ERAP2: variants seen among roughly 807,000 people sequenced by gnomAD.
ERAP2 encodes leukocyte-derived arginine aminopeptidase.
A neutral mutation model predicts 111.1 loss-of-function variants in ERAP2; 118 were observed. The observed-to-expected ratio is 1.06, with a 90% CI of 0.92 to 1.24. The LOEUF (loss-of-function observed/expected upper bound fraction) is 1.24. Among genes scored for constraint, ERAP2 ranks in the 50% most tolerant of loss-of-function variants. The pLI, the probability that ERAP2 is intolerant of heterozygous loss-of-function variation, is 0.00. For missense variants in ERAP2, 1,131 were observed against 1,125.8 expected, an observed-to-expected ratio of 1.00 and a Z score of -0.07; for synonymous variants, 410 against 401.2, an observed-to-expected ratio of 1.02 and a Z score of -0.26.
At chr5:96,912,045 C>T (rs1404658701) in intron 15 of ERAP2, among the ~76,000 whole-genome samples, 3 of 150,872 alleles carry the variant, frequency 2.0e-5, no homozygotes, top group Non-Finnish European at 4.4e-5. Context: ...AAAAAATTAG[C>T]CGGGCGCGGT....
At chr5:96,900,763 A>C (rs1208218229) in intron 10 of ERAP2, among the ~76,000 whole-genome samples, 1 of 152,032 alleles carries the variant, frequency 6.6e-6, no homozygotes, top group African/African-American at 2.4e-5. Context: ...TGCAACCTCC[A>C]CCTCTCTGGT....
chr5:96,877,865 T>A (rs1254412366), intron 1 of ERAP2, among the ~76,000 whole-genome samples: 1 of 141,018 alleles, frequency 7.1e-6, no homozygotes, highest in Non-Finnish European at 1.6e-5. Flanking sequence ...ATCTTTAATA[T>A]TATTTTATTT....
intron 9 of ERAP2, among the ~76,000 whole-genome samples, chr5:96,899,201 T>C (rs1431190256): frequency 2.0e-5 from 3 of 149,912 alleles, no homozygotes. Context: ...AGTCACCAAG[T>C]CAGTGAGAAA....
intron 9 of ERAP2, among the ~76,000 whole-genome samples, chr5:96,897,922 T>A (rs781290206): frequency 6.6e-6 from 1 of 152,188 alleles, no homozygotes; most frequent in Non-Finnish European, 1.5e-5. Context: ...CATGGCCGGG[T>A]ACAATGGCTC....
chr5:96,907,892 A>AT lies in ERAP2; in HGVS notation c.2013-1069_2013-1068insT, dbSNP rs1002839489. 7.3e-5 allele frequency among the ~76,000 whole-genome samples: 11 copies of AT among 151,620 alleles called. No individual in the cohort carries two copies. The East Asian group carries it at 1.2e-3, about 16-fold the overall frequency. Reference sequence around the variant, plus strand: ...GAGCAAAACTCTGTCTCAAAAAAAAAAAATATATATATATGGCAGACCACA... The same window carrying AT: ...GAGCAAAACTCTGTCTCAAAAAAAAATAAATATATATATATGGCAGACCACA... On this transcript the variant is annotated intron_variant, in intron 13 of 18. Coordinates refer to ENST00000437043, the MANE Select transcript of ERAP2 (RefSeq NM_022350.5).
At chr5:96,898,632 C>T (rs932464748) in intron 9 of ERAP2, among the ~76,000 whole-genome samples, 15 of 150,042 alleles carry the variant, frequency 1.0e-4, no homozygotes, top group African/African-American at 2.5e-4. Context: ...CCCAGCTACT[C>T]GGGAGGTTGA....
chr5:96,915,764 C>A lies in ERAP2; in HGVS notation c.2734C>A (p.Gln912Lys). 1 of 1,598,876 alleles carries A rather than the reference C, an allele frequency of 6.3e-7. No homozygotes were observed. The highest frequency in any genetic ancestry group is 1.3e-5 in the African/African-American group (1 of 74,222). ...TAHFSSKDKL[Q>K]EVKLFFESLE... ...TCACTTTTCTTCCAAGGATAAGTTG[C>A]AAGAGGTTTGTGACTTTCTGTTTTT... The change falls in exon 18 of 19, where the codon CAA becomes AAA. Residue 912 changes from glutamine (Q) to lysine (K), a missense_variant. Around this residue, in one of 3 missense-constraint regions of ERAP2, gnomAD observed 279 missense variants for 250.9 expected, o/e 1.11. Transcript: ENST00000437043.
chr5:96,913,694 C>T (rs1268133181), intron 17 of ERAP2, among the ~76,000 whole-genome samples: 1 of 152,134 alleles, frequency 6.6e-6, no homozygotes, highest in East Asian at 1.9e-4. Context: ...GGCAAGAAAC[C>T]ACTGGCATCA....
chr5:96,914,039 A>G (rs1025588433), intron 17 of ERAP2, among the ~76,000 whole-genome samples: 1 of 152,114 alleles, frequency 6.6e-6, no homozygotes, highest in African/African-American at 2.4e-5. Context: ...GCTCATTTCA[A>G]TATGTTCCTG....
chr5:96,892,974 T>C (rs971247769), intron 6 of ERAP2, among the ~76,000 whole-genome samples: 8 of 152,136 alleles, frequency 5.3e-5, no homozygotes, highest in Non-Finnish European at 7.4e-5. Context: ...AAAATTAAGT[T>C]AATAATAGTT....
At chr5:96,915,848 G>T (rs759902068) in intron 18 of ERAP2, 79 bp downstream of exon 18, 12 of 1,219,446 alleles carry the variant, frequency 9.8e-6, no homozygotes, top group Middle Eastern at 1.9e-4. Flanking sequence ...GATATAATCT[G>T]ATTTGAAGTT....
At position 96,918,210 on chromosome 5, in the gene ERAP2, A is replaced by G. The variant is rs1787659274; in HGVS notation, c.*605A>G. 1 of 152,384 alleles carries G rather than the reference A, an allele frequency of 6.6e-6. No individual in the cohort carries two copies. Among genetic ancestry groups the G allele is most frequent in the African/African-American group, 2.4e-5 (1 of 41,468 alleles). 9.4% of individuals were successfully genotyped at this position (152,384 alleles called of 1,614,324 possible). On this transcript the variant is annotated 3_prime_UTR_variant, in exon 19 of 19. Transcript: ENST00000437043. ...TATGTGGAGATACAGACATAGATAT[A>G]TAGATACAGCTGTAATTATTTAGCC... is the stretch of plus-strand genomic sequence containing the variant.
chr5:96,895,194 T>C (rs999384494), intron 6 of ERAP2, 52 bp from the exon 7 acceptor site: 7 of 1,132,012 alleles, frequency 6.2e-6, no homozygotes, highest in Non-Finnish European at 7.7e-6. Flanking sequence ...TTGCTAAAGT[T>C]AATAATTTTT....
In ERAP2 at chr5:96,903,481, A is replaced by G. The variant is rs1200038778; in HGVS notation, c.1933A>G (p.Thr645Ala). The change falls in exon 13 of 19, where the codon ACA becomes GCA. Residue 645 changes from threonine (T) to alanine (A), a missense_variant. Physicochemically the swap from Thr to Ala is moderately conservative, Grantham distance 58. Around this residue, in one of 3 missense-constraint regions of ERAP2, gnomAD observed 847 missense variants for 856.5 expected, o/e 0.99. Coordinates refer to ENST00000437043, the MANE Select transcript of ERAP2 (RefSeq NM_022350.5). Reference protein sequence around the residue: ...YEGHGWDQLITQLNQNHTLLR... With the variant: ...YEGHGWDQLIAQLNQNHTLLR... The stretch of plus-strand genomic sequence containing the variant: ...GGGTCATGGATGGGACCAACTCATT[A>G]CACAGCTGAATCAGAACCACACACT... The G allele has an allele frequency of 6.2e-7, 1 of 1,614,082 alleles. No individual in the cohort carries two copies. The highest frequency in any genetic ancestry group is 8.5e-7 in the Non-Finnish European group (1 of 1,179,950).
At chr5:96,898,616 T>C (rs1785116820) in intron 9 of ERAP2, among the ~76,000 whole-genome samples, 1 of 148,058 alleles carries the variant, frequency 6.8e-6, no homozygotes, top group Non-Finnish European at 1.5e-5. Flanking sequence ...GTGGATCACC[T>C]GTAATCCCAG....
chr5:96,909,267 T>C lies in ERAP2; in HGVS notation c.2169+150T>C, dbSNP rs182636168. The C allele has an allele frequency of 1.3e-4, 94 of 723,434 alleles. 1 individual carries two copies. The highest frequency in any genetic ancestry group is 1.9e-4 in the Non-Finnish European group (85 of 439,626). 44.8% of individuals were successfully genotyped at this position (723,434 alleles called of 1,614,324 possible). On this transcript the variant is annotated intron_variant, in intron 14 of 18. Coordinates refer to ENST00000437043, the MANE Select transcript of ERAP2 (RefSeq NM_022350.5). The stretch of plus-strand genomic sequence containing the variant: ...AGCATGTAATGGTCAATGACCCTTG[T>C]TCTTTACCATTGCCAATCCTAAGAG...
chr5:96,891,519 C>A (rs1784379075), intron 5 of ERAP2, among the ~76,000 whole-genome samples: 2 of 27,478 alleles, frequency 7.3e-5, no homozygotes, highest in African/African-American at 3.0e-4. Context: ...ATATATATGC[C>A]CATATACGGT....
chr5:96,894,616 A>G (rs1302401586), intron 6 of ERAP2, among the ~76,000 whole-genome samples: 1 of 152,194 alleles, frequency 6.6e-6, no homozygotes, highest in African/African-American at 2.4e-5. Context: ...AAGGGTAAAT[A>G]TGTCAATTAT....
At position 96,900,350 on chromosome 5, in the gene ERAP2, G is replaced by A. The variant is rs907080020; in HGVS notation, c.1572+161G>A. 88 of 1,105,120 alleles carry A rather than the reference G, an allele frequency of 8.0e-5. No homozygotes were observed. In the Middle Eastern group the frequency reaches 9.5e-4, roughly 12 times the overall value. The allele number at this position is 1,105,120 out of a possible 1,614,324, so 68.5% of individuals were successfully genotyped here. Reference sequence around the variant, plus strand: ...ACAAAACTGAAGGGGAAATGCTTGGGGTATTTAGGGGGACAATGCTGTTGC... The same window carrying A: ...ACAAAACTGAAGGGGAAATGCTTGGAGTATTTAGGGGGACAATGCTGTTGC... On this transcript the variant is annotated intron_variant, in intron 10 of 18. Transcript: ENST00000437043.
Sources: gnomAD v4.1 joint callset for allele counts (sites outside exome capture counted in the v4.1 genomes callset) on GRCh38, gnomAD v4.1.1 for gene constraint, gnomAD v4.1.1 regional missense constraint, MANE v1.5 for transcripts, NCBI Gene and HGNC (gene_info 2026-07-23, HGNC 2026-07-21) for gene names.